The following EWSR1 variants were observed in gnomAD, a reference collection of about 807,000 sequenced individuals.
EWSR1 encodes the protein EWS RNA binding protein 1, also known as RNA-binding protein EWS.
In EWSR1, 14 loss-of-function variants were observed where a neutral mutation model predicts 92.1. The observed-to-expected ratio is 0.15, with a 90% CI of 0.10 to 0.24. The LOEUF (loss-of-function observed/expected upper bound fraction) is 0.24. EWSR1 is among the 10% of genes least tolerant of loss of function. The probability of loss-of-function intolerance (pLI) is 1.00; values close to 1 mark genes in which losing one functional copy is unlikely to be tolerated. For missense variants in EWSR1, 637 were observed against 870.9 expected (o/e 0.73, Z 3.38); for synonymous variants, 303 against 292.9 (o/e 1.03, Z -0.35).
chr22:29,277,301 T>TA (rs2059196421), intron 4 of EWSR1: 1 of 227,158 alleles, frequency 4.4e-6, no homozygotes, highest in Non-Finnish European at 8.7e-6. Context: ...AGTAACTTGA[T>TA]AACGAGGCAG....
intron 8 of EWSR1, chr22:29,291,061 C>T (rs2147507976): frequency 4.2e-6 from 1 of 237,074 alleles, no homozygotes; most frequent in African/African-American, 2.2e-5. Context: ...GATGCGTCCT[C>T]TGATGTGTGT....
chr22:29,299,880 C>T, intron 16 of EWSR1, 29 bp downstream of exon 16: 3 of 1,528,532 alleles, frequency 2.0e-6, no homozygotes, highest in East Asian at 2.3e-5. Context: ...CAGCTGTGGG[C>T]CGCCAGGCAC....
intron 11 of EWSR1, 74 bp downstream of exon 11, chr22:29,292,680 T>G: frequency 1.1e-6 from 1 of 941,132 alleles, no homozygotes; most frequent in Non-Finnish European, 1.7e-6. Flanking sequence ...TGAATTGATG[T>G]TGAGAGTTGT....
chr22:29,289,146 T>C (rs1204782609), intron 8 of EWSR1: 1 of 254,760 alleles, frequency 3.9e-6, no homozygotes, highest in African/African-American at 2.2e-5. Context: ...TAACTGCCTT[T>C]GAATGGTTGT....
intron 7 of EWSR1, 117 bp downstream of exon 7, chr22:29,287,251 G>A: frequency 4.0e-6 from 4 of 1,010,814 alleles, no homozygotes; most frequent in Non-Finnish European, 5.9e-6. Flanking sequence ...TCTTGGGGCT[G>A]AGGCTGGAGT....
rs771079572 is a variant in EWSR1, at chr22:29,282,532, G to A, written c.556G>A (p.Ala186Thr). The A allele has an allele frequency of 4.6e-6, 7 of 1,537,686 alleles. No homozygotes were observed. The highest frequency in any genetic ancestry group is 2.4e-5 in the Admixed American group (1 of 42,096). ...PGSYPMQPVT[A>T]PPSYPPTSYS... ...GAGCTACCCCATGCAGCCAGTCACT[G>A]CACCTCCATCCTACCCTCCTACCAG... is the stretch of plus-strand genomic sequence containing the variant. Residue 186 changes from alanine (A) to threonine (T), a missense_variant, in exon 6 of 17, where the codon GCA becomes ACA. This residue lies in a region of EWSR1 where 116 missense variants were observed against 167.8 expected (regional missense o/e 0.69). Transcript: ENST00000397938.
At chr22:29,278,000 GAA>G (rs1015352905) in intron 4 of EWSR1, 28 bp from the exon 5 acceptor site, 10 of 1,602,128 alleles carry the variant, frequency 6.2e-6, no homozygotes, top group Non-Finnish European at 8.5e-6. Flanking sequence ...GAGGGGACCT[GAA>G]ATCTGATGCA....
intron 7 of EWSR1, 151 bp from the exon 8 acceptor site, chr22:29,288,455 C>A (rs1479550218): frequency 3.2e-6 from 2 of 632,448 alleles, no homozygotes; most frequent in Non-Finnish European, 5.2e-6. Context: ...CTTAAAAGAG[C>A]CTACCTATTA....
At position 29,278,102 on chromosome 22, in the gene EWSR1, C is replaced by A. The variant is rs752526721; in HGVS notation, c.299C>A (p.Thr100Asn). 5.6e-6 allele frequency: 9 copies of A among 1,614,056 alleles called. No individual in the cohort carries two copies. The South Asian group carries it at 9.9e-5, about 18-fold the overall frequency. ...GGGTATGGCACTGGTGCTTATGATA[C>A]CACCACTGCTACAGTCACCACCACC... ...VQGYGTGAYD[T>N]TTATVTTTQA... Residue 100 changes from threonine to asparagine, a missense_variant, in exon 5 of 17, where the codon ACC (threonine) becomes AAC (asparagine). By Grantham distance (65) the Thr-to-Asn change is moderately conservative. This residue lies in a region of EWSR1 where 144 missense variants were observed against 189.0 expected (regional missense o/e 0.76). Coordinates refer to ENST00000397938, the MANE Select transcript of EWSR1 (RefSeq NM_005243.4).
chr22:29,273,607 G>A (rs1052939316), intron 3 of EWSR1, 134 bp from the exon 4 acceptor site: 7 of 973,544 alleles, frequency 7.2e-6, no homozygotes, highest in South Asian at 1.7e-5. Flanking sequence ...GTCTTGTTTT[G>A]TTGTTTTTGT....
intron 11 of EWSR1, among the ~76,000 whole-genome samples, chr22:29,294,532 G>A (rs1241751652): frequency 6.6e-6 from 1 of 151,644 alleles, no homozygotes; most frequent in African/African-American, 2.4e-5. Flanking sequence ...ATGAACCTGG[G>A]AGGCGGAGCT....
chr22:29,299,926 A>G, intron 16 of EWSR1, 75 bp downstream of exon 16: 1 of 1,539,060 alleles, frequency 6.5e-7, no homozygotes, highest in Non-Finnish European at 8.8e-7. Context: ...TGGTTGGCGC[A>G]AGTCCTCATG....
At chr22:29,274,293 CCTG>C (rs1426439788) in intron 4 of EWSR1, 2 of 1,613,598 alleles carry the variant, frequency 1.2e-6, no homozygotes, top group Non-Finnish European at 1.7e-6. Flanking sequence ...GTTTGACTAT[CCTG>C]CTCATTCTTG....
intron 4 of EWSR1, 87 bp from the exon 5 acceptor site, chr22:29,277,943 A>C (rs1165275816): frequency 8.4e-7 from 1 of 1,183,930 alleles, no homozygotes; most frequent in Non-Finnish European, 1.2e-6. Context: ...GGTTTAAAGT[A>C]AGTGGTTTAC....
At chr22:29,288,360 T>G (rs1052178200) in intron 7 of EWSR1, among the ~76,000 whole-genome samples, 2 of 152,206 alleles carry the variant, frequency 1.3e-5, no homozygotes, top group East Asian at 1.9e-4. Flanking sequence ...GAGGGCTTTT[T>G]TTGTTGTTGT....
intron 4 of EWSR1, chr22:29,274,289 C>G (rs1569051477): frequency 2.5e-6 from 4 of 1,613,728 alleles, no homozygotes; most frequent in Non-Finnish European, 3.4e-6. Flanking sequence ...ACAGGTTTGA[C>G]TATCCTGCTC....
At position 29,293,398 on chromosome 22, in the gene EWSR1, C is replaced by G. The variant is rs534593193; in HGVS notation, c.1164+792C>G. Among the ~76,000 whole-genome samples the G allele has an allele frequency of 1.6e-4, 24 of 152,288 alleles. No individual in the cohort carries two copies. The South Asian group carries it at 3.7e-3, about 24-fold the overall frequency. On this transcript the variant is annotated intron_variant, in intron 11 of 16. Coordinates refer to ENST00000397938, the MANE Select transcript of EWSR1 (RefSeq NM_005243.4). ...TTTTGACTGTTTTTCAGTTCTTGCT[C>G]TTCTGTATTAGAGTTAGTTTATGAA...
chr22:29,272,529 T>C, intron 3 of EWSR1, 98 bp downstream of exon 3: 1 of 1,247,974 alleles, frequency 8.0e-7, no homozygotes, highest in Non-Finnish European at 1.2e-6. Flanking sequence ...ATGAGTAATG[T>C]GTTTGGAATA....
chr22:29,290,902 T>C, intron 8 of EWSR1: 1 of 248,106 alleles, frequency 4.0e-6, no homozygotes, highest in Admixed American at 5.4e-5. Context: ...TAATTTTACA[T>C]GGCCATAGTC....
Sources: gnomAD v4.1 joint callset for allele counts (sites outside exome capture counted in the v4.1 genomes callset) on GRCh38, gnomAD v4.1.1 for gene constraint, gnomAD v4.1.1 regional missense constraint, MANE v1.5 for transcripts, NCBI Gene and HGNC (gene_info 2026-07-23, HGNC 2026-07-21) for gene names.